ITGA9: variants seen among roughly 807,000 people sequenced by gnomAD.
The protein encoded by ITGA9 is integrin alpha-9.
Under a neutral mutation model 127.8 loss-of-function variants are expected in ITGA9, and 56 were observed. The observed-to-expected ratio is 0.44, with a 90% CI of 0.35 to 0.55. The LOEUF is 0.55. Ranked by LOEUF, ITGA9 falls within the 20% of genes least tolerant of loss-of-function variation. The probability of loss-of-function intolerance (pLI) is 0.00; values close to 1 mark genes in which losing one functional copy is unlikely to be tolerated. For synonymous variants in ITGA9, 508 were observed against 514.5 expected, an observed-to-expected ratio of 0.99 and a Z score of 0.17; for missense variants, 1,196 against 1,347.1, an observed-to-expected ratio of 0.89 and a Z score of 1.76.
intron 23 of ITGA9, among the ~76,000 whole-genome samples, chr3:37,762,494 C>T (rs921409554): frequency 6.6e-6 from 1 of 152,154 alleles, no homozygotes; most frequent in African/African-American, 2.4e-5. Flanking sequence ...ATGAAGCCTT[C>T]CAGGTCATAA....
chr3:37,532,262 C>T (rs1016939648), intron 13 of ITGA9, among the ~76,000 whole-genome samples: 1 of 152,220 alleles, frequency 6.6e-6, no homozygotes, highest in Non-Finnish European at 1.5e-5. Context: ...GTGGAGTCCC[C>T]TCACCCTATC....
chr3:37,518,461 G>A (rs1328391810), intron 10 of ITGA9, among the ~76,000 whole-genome samples: 1 of 152,172 alleles, frequency 6.6e-6, no homozygotes, highest in Admixed American at 6.5e-5. Flanking sequence ...TTTTGTTCTA[G>A]GAGTTGCCAG....
At chr3:37,608,773 G>C (rs1437808322) in intron 15 of ITGA9, among the ~76,000 whole-genome samples, 1 of 152,122 alleles carries the variant, frequency 6.6e-6, no homozygotes, top group Non-Finnish European at 1.5e-5. Context: ...ACGTCTAGAG[G>C]ATTTTTGTTG....
intron 18 of ITGA9, among the ~76,000 whole-genome samples, chr3:37,705,450 A>G (rs552595552): frequency 6.6e-6 from 1 of 152,346 alleles, no homozygotes; most frequent in African/African-American, 2.4e-5. Context: ...GTCTGTTGAA[A>G]GTCACAAGGC....
At chr3:37,505,550 G>C (rs1579070901) in intron 6 of ITGA9, among the ~76,000 whole-genome samples, 1 of 152,178 alleles carries the variant, frequency 6.6e-6, no homozygotes, top group African/African-American at 2.4e-5. Flanking sequence ...GTGGCTACCT[G>C]TGTGGGGCAT....
At chr3:37,467,281 A>T (rs1698383132) in intron 1 of ITGA9, among the ~76,000 whole-genome samples, 1 of 152,190 alleles carries the variant, frequency 6.6e-6, no homozygotes, top group Non-Finnish European at 1.5e-5. Flanking sequence ...TGACCAGCTG[A>T]TCAGAAGTTT....
At chr3:37,683,431 TG>T (rs1438621433) in intron 17 of ITGA9, among the ~76,000 whole-genome samples, 1 of 152,212 alleles carries the variant, frequency 6.6e-6, no homozygotes, top group East Asian at 1.9e-4. Context: ...CAGACATATT[TG>T]CTTCTTTCTA....
rs572725642 is a variant in ITGA9, at chr3:37,786,929, C to T, written c.2889+1851C>T. On this transcript the variant is annotated intron_variant, in intron 26 of 27. Transcript: ENST00000264741. The stretch of plus-strand genomic sequence containing the variant: ...TGGTGCAATCATGGCTCACTGCAGC[C>T]TCCACCTGTTGGCTCAGGCCAGGCA... Among the ~76,000 whole-genome samples, 5 of 152,342 alleles carry T rather than the reference C, an allele frequency of 3.3e-5. 1 individual carries two copies. Among genetic ancestry groups the T allele is most frequent in the African/African-American group, 9.6e-5 (4 of 41,580 alleles).
chr3:37,815,919 C>CA (rs1333110158), intron 27 of ITGA9, among the ~76,000 whole-genome samples: 1 of 151,624 alleles, frequency 6.6e-6, no homozygotes, highest in African/African-American at 2.4e-5. Flanking sequence ...GGGAGGGCTT[C>CA]AAAAAAAACT....
chr3:37,571,466 A>G (rs146397477), intron 15 of ITGA9, among the ~76,000 whole-genome samples: 1 of 152,276 alleles, frequency 6.6e-6, no homozygotes, highest in African/African-American at 2.4e-5. Context: ...GACAAGATGA[A>G]CTAGAGCCCT....
intron 22 of ITGA9, among the ~76,000 whole-genome samples, chr3:37,744,812 T>C (rs1696481234): frequency 6.6e-6 from 1 of 152,214 alleles, no homozygotes; most frequent in Admixed American, 6.5e-5. Flanking sequence ...ACAATGAAAT[T>C]TGAATTTCGT....
intron 27 of ITGA9, 26 bp downstream of exon 27, chr3:37,803,968 C>G: frequency 6.2e-7 from 1 of 1,613,858 alleles, no homozygotes; most frequent in African/African-American, 1.3e-5. Context: ...GCAGGTCCCC[C>G]TGGGGTCCCC....
chr3:37,670,385 C>T (rs1170745510), intron 17 of ITGA9, among the ~76,000 whole-genome samples: 1 of 152,158 alleles, frequency 6.6e-6, no homozygotes, highest in Non-Finnish European at 1.5e-5. Context: ...AACTCAGTCC[C>T]TACCACTCAC....
At chr3:37,455,998 C>T (rs561548952) in intron 1 of ITGA9, among the ~76,000 whole-genome samples, 5 of 152,292 alleles carry the variant, frequency 3.3e-5, no homozygotes, top group South Asian at 2.1e-4. Context: ...TGTCACTAAT[C>T]GGAGGATCCT....
chr3:37,727,935 C>A (rs1166742531), intron 18 of ITGA9, among the ~76,000 whole-genome samples: 1 of 152,200 alleles, frequency 6.6e-6, no homozygotes, highest in African/African-American at 2.4e-5. Context: ...TTTTCAACAT[C>A]ACTTTCATTG....
intron 23 of ITGA9, among the ~76,000 whole-genome samples, chr3:37,761,576 C>T (rs1280585796): frequency 6.6e-6 from 1 of 152,172 alleles, no homozygotes; most frequent in East Asian, 1.9e-4. Flanking sequence ...GTATCAAGTA[C>T]TTTACAAGAA....
At chr3:37,764,466 T>TAAAAAAAAAAAAAA (rs10694316) in intron 23 of ITGA9, among the ~76,000 whole-genome samples, 1 of 74,656 alleles carries the variant, frequency 1.3e-5, no homozygotes, top group African/African-American at 5.4e-5. Context: ...AGATTCTCAG[T>TAAAAAAAAAAAAAA]AAAAAAAAAA....
intron 18 of ITGA9, among the ~76,000 whole-genome samples, chr3:37,730,745 G>A (rs1048714000): frequency 6.6e-6 from 1 of 152,204 alleles, no homozygotes; most frequent in African/African-American, 2.4e-5. Flanking sequence ...ACATGAGCTT[G>A]CCATCCATGA....
chr3:37,542,297 G>T (rs1699280866), intron 14 of ITGA9, 128 bp from the exon 15 acceptor site: 17 of 974,170 alleles, frequency 1.7e-5, no homozygotes, highest in Non-Finnish European at 2.8e-5. Context: ...GCTTGGGGCT[G>T]CAGTCTCCTG....
Sources: allele counts gnomAD v4.1 joint callset (sites outside exome capture counted in the v4.1 genomes callset), GRCh38; gene constraint gnomAD v4.1.1; transcripts MANE v1.5; gene names NCBI Gene and HGNC (gene_info 2026-07-23, HGNC 2026-07-21).